The following GALNT16 variants were observed in gnomAD, a reference collection of about 807,000 sequenced individuals.
GALNT16 encodes polypeptide N-acetylgalactosaminyltransferase 16.
In GALNT16, 40 loss-of-function variants were observed where a neutral mutation model predicts 76.1. The ratio of observed to expected loss-of-function variants is 0.53; its 90% CI spans 0.41 to 0.68. The LOEUF (loss-of-function observed/expected upper bound fraction) is 0.68. GALNT16 is among the 30% of genes least tolerant of loss of function. The pLI is 0.00. For missense variants in GALNT16, 621 were observed against 731.9 expected, an observed-to-expected ratio of 0.85 and a Z score of 1.75; for synonymous variants, 276 against 285.2, an observed-to-expected ratio of 0.97 and a Z score of 0.32.
In GALNT16 at chr14:69,324,789, A is replaced by G. The variant is rs2045257363; in HGVS notation, c.433A>G (p.Ser145Gly). The change falls in exon 3 of 15, where the codon AGT (serine) becomes GGT (glycine). Residue 145 changes from serine (S) to glycine (G), a missense_variant and splice_region_variant. Physicochemically the swap from Ser to Gly is moderately conservative, Grantham distance 56. Transcript: ENST00000448469. ...ARSTLLRTVK[S>G]VLNRTPANLI... ...TTCCACCCTGCTGCGCACAGTGAAG[A>G]GGTAAGTCCAGCCATGGGACTCTCA... 6.3e-7 allele frequency: 1 copy of G among 1,592,436 alleles called. No homozygotes were observed. The highest frequency in any genetic ancestry group is 1.3e-5 in the African/African-American group (1 of 74,290).
chr14:69,326,897 A>G (rs1034497197), intron 5 of GALNT16, among the ~76,000 whole-genome samples: 2 of 152,132 alleles, frequency 1.3e-5, no homozygotes, highest in African/African-American at 4.8e-5. Context: ...GCCCAACCCA[A>G]AGGCCAGCCG....
At chr14:69,374,965 A>C in the GALNT16 span, among the ~76,000 whole-genome samples, 15 of 152,354 alleles carry the variant, frequency 9.8e-5, no homozygotes, top group Admixed American at 7.8e-4. Flanking sequence ...ATTTATTCAT[A>C]AGGCTCATAC....
intron 1 of GALNT16, among the ~76,000 whole-genome samples, chr14:69,294,749 A>C (rs1453528954): frequency 1.3e-5 from 2 of 152,016 alleles, no homozygotes; most frequent in African/African-American, 4.8e-5. Flanking sequence ...TGATTTTTTA[A>C]ATATTTATTT....
chr14:69,265,824 G>A (rs965642053), intron 1 of GALNT16, among the ~76,000 whole-genome samples: 2 of 152,216 alleles, frequency 1.3e-5, no homozygotes, highest in African/African-American at 4.8e-5. Context: ...TGAAAACGGT[G>A]TCAAGTGGTT....
At chr14:69,289,859 G>C (rs901728323) in intron 1 of GALNT16, among the ~76,000 whole-genome samples, 1 of 151,940 alleles carries the variant, frequency 6.6e-6, no homozygotes, top group Non-Finnish European at 1.5e-5. Flanking sequence ...TCAACTTCCC[G>C]AATAGCTGGG....
At chr14:69,378,130 C>T in the GALNT16 span, among the ~76,000 whole-genome samples, 5 of 152,194 alleles carry the variant, frequency 3.3e-5, no homozygotes, top group Non-Finnish European at 7.3e-5. Context: ...AGTTAAGACA[C>T]ATAACCTGTT....
At chr14:69,338,493 T>C (rs768386296) in intron 9 of GALNT16, among the ~76,000 whole-genome samples, 158 bp from the exon 10 acceptor site, 33 of 152,180 alleles carry the variant, frequency 2.2e-4, no homozygotes, top group Non-Finnish European at 3.5e-4. Context: ...GTCAGGAACC[T>C]GTGCAAGGAG....
the GALNT16 span, among the ~76,000 whole-genome samples, chr14:69,381,851 G>A: frequency 1.3e-5 from 2 of 152,264 alleles, no homozygotes; most frequent in East Asian, 3.9e-4. Flanking sequence ...ACCACGTCCA[G>A]CTAATGTTTT....
At chr14:69,329,147 C>T (rs1251857254) in intron 6 of GALNT16, among the ~76,000 whole-genome samples, 2 of 152,154 alleles carry the variant, frequency 1.3e-5, no homozygotes, top group South Asian at 2.1e-4. Flanking sequence ...CACCTGAGAT[C>T]GGGAGTTCAA....
chr14:69,363,163 G>A, the GALNT16 span, among the ~76,000 whole-genome samples: 3 of 152,200 alleles, frequency 2.0e-5, no homozygotes, highest in Non-Finnish European at 4.4e-5. Context: ...CCTGGAGCAG[G>A]GAAGATGCAG....
At chr14:69,335,741 A>G (rs11627488) in intron 9 of GALNT16, among the ~76,000 whole-genome samples, 4,463 of 152,276 alleles carry the variant, frequency 0.029, 83 homozygotes, top group South Asian at 0.05. Flanking sequence ...GTTTTGAGCT[A>G]TGAGACTCCT....
intron 2 of GALNT16, among the ~76,000 whole-genome samples, chr14:69,323,451 G>A (rs2045232968): frequency 6.6e-6 from 1 of 152,208 alleles, no homozygotes; most frequent in South Asian, 2.1e-4. Context: ...TCACTGTCCC[G>A]ATTCCCTCCT....
chr14:69,310,499 A>G (rs897325), intron 1 of GALNT16, among the ~76,000 whole-genome samples: 104,113 of 152,030 alleles, frequency 0.68, 36,136 homozygotes, highest in East Asian at 1. Flanking sequence ...GTGGGTGGCC[A>G]TAAAGGGAAA....
the GALNT16 span, among the ~76,000 whole-genome samples, chr14:69,377,426 T>C: frequency 6.6e-6 from 1 of 152,214 alleles, no homozygotes; most frequent in Admixed American, 6.5e-5. Context: ...GATAAATATG[T>C]AGAAATATTT....
chr14:69,344,460 G>A (rs1057359483), intron 12 of GALNT16, among the ~76,000 whole-genome samples: 9 of 152,240 alleles, frequency 5.9e-5, no homozygotes, highest in African/African-American at 1.9e-4. Context: ...GGCAGCCTGT[G>A]TACATAGAAG....
the GALNT16 span, among the ~76,000 whole-genome samples, chr14:69,376,270 A>C: frequency 3.3e-5 from 5 of 152,174 alleles, no homozygotes; most frequent in Non-Finnish European, 7.3e-5. Context: ...CACTGGTCTT[A>C]TTACAAATTT....
At chr14:69,337,338 G>A (rs2045427706) in intron 9 of GALNT16, among the ~76,000 whole-genome samples, 1 of 152,220 alleles carries the variant, frequency 6.6e-6, no homozygotes, top group South Asian at 2.1e-4. Flanking sequence ...TGGTTGCAGT[G>A]AGAATTAGAT....
In GALNT16 at chr14:69,333,673, T is replaced by C. The variant is rs556175127; in HGVS notation, c.967+73T>C. On this transcript the variant is annotated intron_variant, in intron 9 of 14. Transcript: ENST00000448469. The surrounding 1 kb of genome is among the most constrained non-coding windows in gnomAD (Gnocchi z 4.2). ...CACAGTTAACCCTGACAGAGCACTT[T>C]CTATGCGTGAGGACCTGCTCTAAGG... The C allele has an allele frequency of 5.1e-5, 42 of 819,516 alleles. No individual in the cohort carries two copies. In the South Asian group the frequency reaches 5.6e-4, roughly 11 times the overall value. 50.8% of individuals were successfully genotyped at this position (819,516 alleles called of 1,614,324 possible).
At chr14:69,269,514 G>C (rs1370281326) in intron 1 of GALNT16, among the ~76,000 whole-genome samples, 1 of 148,704 alleles carries the variant, frequency 6.7e-6, no homozygotes, top group Non-Finnish European at 1.5e-5. Flanking sequence ...GTGTGTGTGT[G>C]ATGTGTGGGG....
Sources: gnomAD v4.1 joint callset for allele counts (sites outside exome capture counted in the v4.1 genomes callset) on GRCh38, gnomAD v4.1.1 for gene constraint, Gnocchi (gnomAD v3.1) non-coding constraint, MANE v1.5 for transcripts, NCBI Gene and HGNC (gene_info 2026-07-23, HGNC 2026-07-21) for gene names.